The following LHPP variants were observed in gnomAD, a reference collection of about 807,000 sequenced individuals.
The protein encoded by LHPP is phospholysine phosphohistidine inorganic pyrophosphate phosphatase, also known as hLHPP.
In LHPP, 24 loss-of-function variants were observed where a neutral mutation model predicts 30.3. That is an observed-to-expected ratio of 0.79 (90% CI 0.57 to 1.11). LHPP has a LOEUF of 1.11. Ranked by LOEUF, LHPP falls within the 50% of genes most tolerant of loss-of-function variation. The pLI, the probability that LHPP is intolerant of heterozygous loss-of-function variation, is 0.00. For missense variants in LHPP, 356 were observed against 367.2 expected, an observed-to-expected ratio of 0.97 and a Z score of 0.25; for synonymous variants, 150 against 157.1, an observed-to-expected ratio of 0.95 and a Z score of 0.34.
At chr10:124,556,250 C>T (rs1426680611) in intron 6 of LHPP, among the ~76,000 whole-genome samples, 1 of 152,178 alleles carries the variant, frequency 6.6e-6, no homozygotes, top group Non-Finnish European at 1.5e-5. Flanking sequence ...CAAATGTGTC[C>T]TCTGTGTTCT....
chr10:124,481,123 T>TCCCTGAACTC (rs1953112129), intron 1 of LHPP, among the ~76,000 whole-genome samples: 1 of 152,102 alleles, frequency 6.6e-6, no homozygotes, highest in African/African-American at 2.4e-5. Context: ...AATAGATTCA[T>TCCCTGAACTC]CCCTGAACTC....
intron 6 of LHPP, among the ~76,000 whole-genome samples, chr10:124,520,889 T>G (rs947019963): frequency 6.6e-6 from 1 of 152,256 alleles, no homozygotes; most frequent in Admixed American, 6.5e-5. Context: ...GAAAGGATTG[T>G]GAAAGAGCTC....
rs914384461 is a variant in LHPP at position 124,478,360 on chromosome 10, C to T, written c.126-5779C>T. On this transcript the variant is annotated intron_variant, in intron 1 of 6. Transcript: ENST00000368842. The surrounding 1 kb of genome is among the most constrained non-coding windows in gnomAD (Gnocchi z 4.7). ...TGGGTCACACGAAGGTGACCAGTACCGGGGCTAGAGGGCAGGGGGCCCAGC... is the reference window on the plus strand; with the variant it reads ...TGGGTCACACGAAGGTGACCAGTACTGGGGCTAGAGGGCAGGGGGCCCAGC... Among the ~76,000 whole-genome samples, 9 of 152,274 alleles carry T rather than the reference C, an allele frequency of 5.9e-5. No individual in the cohort carries two copies. The highest frequency in any genetic ancestry group is 2.0e-4 in the Admixed American group (3 of 15,300).
At chr10:124,465,206 C>A (rs1196761033) in intron 1 of LHPP, among the ~76,000 whole-genome samples, 1 of 151,946 alleles carries the variant, frequency 6.6e-6, no homozygotes, top group Non-Finnish European at 1.5e-5. Context: ...GCGGAGGAAG[C>A]GCATTCCAGG....
chr10:124,488,607 G>T (rs1311401365), intron 3 of LHPP, 32 bp downstream of exon 3: 3 of 1,588,470 alleles, frequency 1.9e-6, no homozygotes, highest in Admixed American at 1.9e-5. Context: ...TCATTTCTCG[G>T]TGCTTTAGAT....
intron 6 of LHPP, among the ~76,000 whole-genome samples, chr10:124,518,501 G>A (rs987973516): frequency 7.2e-5 from 11 of 152,366 alleles, no homozygotes; most frequent in Admixed American, 5.9e-4. Context: ...GTGCTGCCTG[G>A]CGTCAGCCGT....
In LHPP at chr10:124,585,476, A is replaced by G. The variant is rs544495469; in HGVS notation, c.717-27788A>G. Among the ~76,000 whole-genome samples the G allele has an allele frequency of 8.0e-3, 1,214 of 152,000 alleles. 15 individuals are homozygous for G. The highest frequency in any genetic ancestry group is 0.028 in the African/African-American group (1,181 of 41,458). On this transcript the variant is annotated intron_variant, in intron 6 of 6. Transcript: ENST00000368842. The stretch of plus-strand genomic sequence containing the variant: ...CTAAAATACAAAAAATTAGCCAGGC[A>G]TGGTGGCTGGCGCCTGTAGTCCCAG...
At chr10:124,472,635 T>A (rs368658190) in intron 1 of LHPP, among the ~76,000 whole-genome samples, 3 of 151,788 alleles carry the variant, frequency 2.0e-5, no homozygotes, top group African/African-American at 7.3e-5. Flanking sequence ...CTCAGCTCAC[T>A]GCAACCTTGG....
chr10:124,586,404 C>A lies in LHPP; in HGVS notation c.717-26860C>A, dbSNP rs549991915. ...TCTGGAGTTGGGAGGGGGAAATAGC[C>A]CTGCCCCAACATGTGATCCAGCATG... On this transcript the variant is annotated intron_variant, in intron 6 of 6. Coordinates refer to ENST00000368842, the MANE Select transcript of LHPP (RefSeq NM_022126.4). Among the ~76,000 whole-genome samples, 3 of 152,248 alleles carry A rather than the reference C, an allele frequency of 2.0e-5. No individual in the cohort carries two copies. In the South Asian group the frequency reaches 6.2e-4, roughly 32 times the overall value.
chr10:124,509,621 G>C lies in LHPP; in HGVS notation c.625-7559G>C, dbSNP rs147853018. On this transcript the variant is annotated intron_variant, in intron 5 of 6. Transcript: ENST00000368842. ...TGTTAGTCTTGTTCCTTATGAAGGTGTCCGACCACAGTGGCAATTACTCAG... is the reference window on the plus strand; with the variant it reads ...TGTTAGTCTTGTTCCTTATGAAGGTCTCCGACCACAGTGGCAATTACTCAG... 3.0e-3 allele frequency among the ~76,000 whole-genome samples: 452 copies of C among 150,792 alleles called. 3 individuals carry two copies. The highest frequency in any genetic ancestry group is 6.9e-3 in the Middle Eastern group (2 of 288).
intron 6 of LHPP, among the ~76,000 whole-genome samples, chr10:124,529,931 G>A (rs762532283): frequency 5.9e-5 from 9 of 152,230 alleles, no homozygotes; most frequent in Non-Finnish European, 7.3e-5. Flanking sequence ...CTGCAGATGC[G>A]GTGTGAGGGG....
intron 3 of LHPP, among the ~76,000 whole-genome samples, chr10:124,490,906 C>T (rs746644777): frequency 6.6e-6 from 1 of 151,416 alleles, no homozygotes; most frequent in Non-Finnish European, 1.5e-5. Context: ...CAGGGTTCTG[C>T]ACAGCTAGAA....
intron 6 of LHPP, among the ~76,000 whole-genome samples, chr10:124,579,319 C>A (rs144361582): frequency 1.1e-3 from 174 of 152,382 alleles, no homozygotes; most frequent in Non-Finnish European, 2.1e-3. Context: ...TGAGTGCCGT[C>A]CAGTTTCCCC....
intron 3 of LHPP, among the ~76,000 whole-genome samples, chr10:124,491,962 T>C (rs1953545649): frequency 1.3e-5 from 2 of 152,130 alleles, no homozygotes; most frequent in Admixed American, 1.3e-4. Context: ...TTTTTGAGGC[T>C]GTGTTTAAAA....
intron 6 of LHPP, chr10:124,526,204 C>T: frequency 1.0e-6 from 1 of 985,404 alleles, no homozygotes. Context: ...CTCACACGTG[C>T]TCTTCTCCCA....
At chr10:124,595,635 T>C (rs980889143) in intron 6 of LHPP, among the ~76,000 whole-genome samples, 3 of 152,120 alleles carry the variant, frequency 2.0e-5, no homozygotes, top group Non-Finnish European at 4.4e-5. Flanking sequence ...GGTGTAGATA[T>C]CTCCTTTCTT....
chr10:124,516,436 A>G (rs1489017773), intron 5 of LHPP, among the ~76,000 whole-genome samples: 1 of 152,194 alleles, frequency 6.6e-6, no homozygotes, highest in East Asian at 1.9e-4. Flanking sequence ...TGGGGGACAC[A>G]CTTGAGTTCA....
Position 124,483,210 on chromosome 10 carries a change from T to C in LHPP, c.126-929T>C, listed in dbSNP as rs191698162. ...CTGTCTGTCCATCCCGGAATGTTGGTGTCCCTGATGACTTTGGCAAACCTT... is the reference window on the plus strand; with the variant it reads ...CTGTCTGTCCATCCCGGAATGTTGGCGTCCCTGATGACTTTGGCAAACCTT... On this transcript the variant is annotated intron_variant, in intron 1 of 6. Coordinates refer to ENST00000368842, the MANE Select transcript of LHPP (RefSeq NM_022126.4). Among the ~76,000 whole-genome samples the C allele has an allele frequency of 9.2e-5, 14 of 152,328 alleles. 1 individual carries two copies. The East Asian group carries it at 2.7e-3, about 29-fold the overall frequency.
At chr10:124,533,489 AC>A (rs1259967929) in intron 6 of LHPP, among the ~76,000 whole-genome samples, 2 of 152,208 alleles carry the variant, frequency 1.3e-5, no homozygotes, top group Non-Finnish European at 2.9e-5. Flanking sequence ...AGTCAGTGTC[AC>A]CCGGACAGAG....
Sources: allele counts gnomAD v4.1 joint callset (sites outside exome capture counted in the v4.1 genomes callset), GRCh38; gene constraint gnomAD v4.1.1; non-coding constraint Gnocchi (gnomAD v3.1); transcripts MANE v1.5; gene names NCBI Gene and HGNC (gene_info 2026-07-23, HGNC 2026-07-21).